ZBTB8OS: variants seen among roughly 807,000 people sequenced by gnomAD.
The protein encoded by ZBTB8OS is tRNA-splicing ligase-activating factor archease.
Under a neutral mutation model 29.3 loss-of-function variants are expected in ZBTB8OS, and 16 were observed. The observed-to-expected ratio is 0.55, with a 90% CI of 0.37 to 0.83. The LOEUF (loss-of-function observed/expected upper bound fraction) is 0.83. ZBTB8OS is among the 40% of genes least tolerant of loss of function. The pLI, the probability that ZBTB8OS is intolerant of heterozygous loss-of-function variation, is 0.00. For synonymous variants in ZBTB8OS, 70 were observed against 64.6 expected (o/e 1.08, Z -0.40); for missense variants, 160 against 196.9 (o/e 0.81, Z 1.12).
At chr1:32,649,979 T>A (rs1647197799) in intron 1 of ZBTB8OS, among the ~76,000 whole-genome samples, 1 of 152,074 alleles carries the variant, frequency 6.6e-6, no homozygotes, top group Non-Finnish European at 1.5e-5. Flanking sequence ...TAATCATTTT[T>A]AAAAATCACA....
chr1:32,646,232 T>G (rs1475248267), intron 1 of ZBTB8OS, among the ~76,000 whole-genome samples: 2 of 151,600 alleles, frequency 1.3e-5, no homozygotes, highest in South Asian at 4.2e-4. Flanking sequence ...GGTTGGAGGA[T>G]CACTTGAGTC....
At chr1:32,641,535 G>A (rs1646404990) in intron 1 of ZBTB8OS, among the ~76,000 whole-genome samples, 3 of 147,782 alleles carry the variant, frequency 2.0e-5, no homozygotes, top group African/African-American at 7.4e-5. Flanking sequence ...GCCTCCCAAA[G>A]TGCTGGGATT....
intron 1 of ZBTB8OS, among the ~76,000 whole-genome samples, chr1:32,647,312 C>T (rs1286152946): frequency 2.0e-5 from 3 of 150,690 alleles, no homozygotes; most frequent in Non-Finnish European, 4.4e-5. Context: ...TGGTGCATGT[C>T]TGTAGTCCCA....
Position 32,627,500 on chromosome 1 carries a change from A to C in ZBTB8OS, c.417+8T>G. The C allele has an allele frequency of 6.2e-7, 1 of 1,613,094 alleles. No homozygotes were observed. Among genetic ancestry groups the C allele is most frequent in the Non-Finnish European group, 8.5e-7 (1 of 1,179,626 alleles). ...TCATGTTCTTAATGGCTGGATTTTA[A>C]AACATACCTGAGGGTGCTTGGACAA... On this transcript the variant is annotated splice_region_variant and intron_variant, in intron 6 of 6. Coordinates refer to ENST00000468695, the MANE Select transcript of ZBTB8OS (RefSeq NM_178547.5).
At chr1:32,633,358 T>C (rs1645720118) in intron 4 of ZBTB8OS, 1 of 293,024 alleles carries the variant, frequency 3.4e-6, no homozygotes, top group Non-Finnish European at 6.4e-6. Flanking sequence ...CCTGTCTCTA[T>C]CAAAAACAAA....
rs537816258 is a variant in ZBTB8OS, at chr1:32,647,473, T to C, written c.97+2960A>G. Among the ~76,000 whole-genome samples, 24 of 150,130 alleles carry C rather than the reference T, an allele frequency of 1.6e-4. No homozygotes were observed. In the East Asian group the frequency reaches 3.7e-3, roughly 23 times the overall value. On this transcript the variant is annotated intron_variant, in intron 1 of 6. Coordinates refer to ENST00000468695, the MANE Select transcript of ZBTB8OS (RefSeq NM_178547.5). ...AAAAAGAAAAGAAAGAAAGGGTCAA[T>C]GCAGGGGGTCCCCAACCCCCTGGCC...
rs775482761 is a variant in ZBTB8OS at position 32,633,712 on chromosome 1, G to C, written c.260C>G (p.Ser87Cys). The C allele has an allele frequency of 6.2e-7, 1 of 1,607,244 alleles. No individual in the cohort carries two copies. The highest frequency in any genetic ancestry group is 1.7e-5 in the Admixed American group (1 of 58,302). The change falls in exon 4 of 7, where the codon TCT becomes TGT. Residue 87 changes from serine to cysteine, a missense_variant. Physicochemically the swap from Ser to Cys is moderately radical, Grantham distance 112. Transcript: ENST00000468695. The part of the protein sequence containing the change: ...EVETQGDDLQ[S>C]LLFHFLDEWL... ...TTCATCCAAAAAGTGAAACAGAAGA[G>C]ACTGTAAGTCATCTCCTACACAAGA...
chr1:32,650,410 A>G, intron 1 of ZBTB8OS, 23 bp downstream of exon 1: 1 of 1,614,002 alleles, frequency 6.2e-7, no homozygotes, highest in Non-Finnish European at 8.5e-7. Context: ...ACATGTAAAG[A>G]GAGAAGTAAG....
intron 6 of ZBTB8OS, 56 bp downstream of exon 6, chr1:32,627,452 G>C (rs1557753172): frequency 6.5e-7 from 1 of 1,529,326 alleles, no homozygotes; most frequent in Admixed American, 1.7e-5. Flanking sequence ...TCACATATAT[G>C]AACTTTATGG....
chr1:32,635,199 C>T (rs1357264926), intron 1 of ZBTB8OS, among the ~76,000 whole-genome samples: 1 of 151,900 alleles, frequency 6.6e-6, no homozygotes, highest in South Asian at 2.1e-4. Flanking sequence ...CACAGGAAAA[C>T]CAGAAAGTAA....
chr1:32,634,089 A>C lies in ZBTB8OS; in HGVS notation c.123-17T>G, dbSNP rs1645772998. On this transcript the variant is annotated splice_polypyrimidine_tract_variant and intron_variant, in intron 2 of 6. Coordinates refer to ENST00000468695, the MANE Select transcript of ZBTB8OS (RefSeq NM_178547.5). ...GCGTGTAACCTAAAGAAGTATATTC[A>C]TGCTCTGTGTAATACAATCCACTGC... 1 of 1,532,446 alleles carries C rather than the reference A, an allele frequency of 6.5e-7. No individual in the cohort carries two copies. The highest frequency in any genetic ancestry group is 8.7e-7 in the Non-Finnish European group (1 of 1,148,748). The allele number at this position is 1,532,446 out of a possible 1,614,324, so 94.9% of individuals were successfully genotyped here. A position where few individuals can be genotyped will look rare whatever the true frequency, so the allele number is the denominator to read the frequency against.
intron 1 of ZBTB8OS, among the ~76,000 whole-genome samples, chr1:32,636,227 ACT>A (rs538516870): frequency 5.2e-4 from 79 of 151,836 alleles, no homozygotes; most frequent in African/African-American, 1.8e-3. Context: ...GTCTTTAAAA[ACT>A]CTGATCCCCA....
At position 32,620,995 on chromosome 1, in the gene ZBTB8OS, G is replaced by A. The variant is rs543022391; in HGVS notation, c.*867C>T. The A allele has an allele frequency of 1.3e-5, 2 of 152,200 alleles. No individual in the cohort carries two copies. Among genetic ancestry groups the A allele is most frequent in the African/African-American group, 2.4e-5 (1 of 41,530 alleles). The allele number at this position is 152,200 out of a possible 1,614,324, so 9.4% of individuals were successfully genotyped here. A position where few individuals can be genotyped will look rare whatever the true frequency, so the allele number is the denominator to read the frequency against. The stretch of plus-strand genomic sequence containing the variant: ...ACTGAAAGCGTGAGAGAAAAATCAG[G>A]GCTCTATCTAGAGAAGTCTAATTGT... On this transcript the variant is annotated 3_prime_UTR_variant, in exon 7 of 7. Transcript: ENST00000468695.
rs1462540208 is a variant in ZBTB8OS at position 32,620,890 on chromosome 1, G to A, written c.*972C>T. 1.3e-5 allele frequency: 2 copies of A among 152,120 alleles called. No individual in the cohort carries two copies. The highest frequency in any genetic ancestry group is 3.8e-4 in the East Asian group (2 of 5,202). The allele number at this position is 152,120 out of a possible 1,614,324, so 9.4% of individuals were successfully genotyped here. ...CACTTTCAAATAAAATTCTATATTA[G>A]AAGGAAAGGTCTCTTTGTAAGGCAT... On this transcript the variant is annotated 3_prime_UTR_variant, in exon 7 of 7. Coordinates refer to ENST00000468695, the MANE Select transcript of ZBTB8OS (RefSeq NM_178547.5).
At chr1:32,628,528 T>G (rs1255175470) in intron 5 of ZBTB8OS, among the ~76,000 whole-genome samples, 3 of 150,964 alleles carry the variant, frequency 2.0e-5, no homozygotes, top group African/African-American at 7.3e-5. Flanking sequence ...TCCGAACTAC[T>G]CAGGAGGCTG....
At chr1:32,629,928 T>A (rs987474103) in intron 5 of ZBTB8OS, among the ~76,000 whole-genome samples, 1 of 151,918 alleles carries the variant, frequency 6.6e-6, no homozygotes, top group Non-Finnish European at 1.5e-5. Context: ...AATTTTTGTA[T>A]TTTTAGTAGG....
rs376010703 is a variant in ZBTB8OS at position 32,634,024 on chromosome 1, T to G, written c.171A>C (p.Ala57=). Residue 57 remains alanine (A), a synonymous_variant, in exon 3 of 7, where the codon GCA becomes GCC. Coordinates refer to ENST00000468695, the MANE Select transcript of ZBTB8OS (RefSeq NM_178547.5). ...DTLEEAFEQC[A]MAMFGYMTDT... is the part of the protein sequence containing the mutation. ...CTGTCATGTAACCAAACATGGCCAT[T>G]GCACATTGCTCAAATGCTTCCTCCA... The G allele has an allele frequency of 6.2e-7, 1 of 1,603,080 alleles. No homozygotes were observed. The highest frequency in any genetic ancestry group is 1.8e-5 in the Admixed American group (1 of 55,876).
chr1:32,637,841 T>A (rs11591128), intron 1 of ZBTB8OS, among the ~76,000 whole-genome samples: 1 of 151,626 alleles, frequency 6.6e-6, no homozygotes, highest in African/African-American at 2.4e-5. Flanking sequence ...AAATATATAA[T>A]TTTTTTTTGA....
chr1:32,641,523 C>T (rs1356986053), intron 1 of ZBTB8OS, among the ~76,000 whole-genome samples: 1 of 149,494 alleles, frequency 6.7e-6, no homozygotes, highest in East Asian at 2.0e-4. Context: ...TCCACCGCCT[C>T]GGCCTCCCAA....
Sources: gnomAD v4.1 joint callset for allele counts (sites outside exome capture counted in the v4.1 genomes callset) on GRCh38, gnomAD v4.1.1 for gene constraint, MANE v1.5 for transcripts, NCBI Gene and HGNC (gene_info 2026-07-23, HGNC 2026-07-21) for gene names.